WARS2: variants seen among roughly 807,000 people sequenced by gnomAD.
WARS2 encodes the protein tryptophanyl tRNA synthetase 2, mitochondrial, also known as tryptophan--tRNA ligase, mitochondrial.
Under a neutral mutation model 36.5 loss-of-function variants are expected in WARS2, and 28 were observed. That is an observed-to-expected ratio of 0.77 (90% CI 0.57 to 1.05). The LOEUF is 1.05. Among genes scored for constraint, WARS2 ranks in the 50% least tolerant of loss-of-function variants. The pLI is 0.00. For missense variants in WARS2, 435 were observed against 456.8 expected, an observed-to-expected ratio of 0.95 and a Z score of 0.44; for synonymous variants, 174 against 178.4, an observed-to-expected ratio of 0.98 and a Z score of 0.20.
At position 119,108,993 on chromosome 1, in the gene WARS2, G is replaced by A. The variant is rs999314285; in HGVS notation, c.90+31562C>T. Among the ~76,000 whole-genome samples, 4 of 151,874 alleles carry A rather than the reference G, an allele frequency of 2.6e-5. No homozygotes were observed. In the East Asian group the frequency reaches 7.7e-4, roughly 29 times the overall value. The stretch of plus-strand genomic sequence containing the variant: ...TTGAGCACCGTGTTATTATAAGTTT[G>A]TTGTTTAATCATCAAGTATTTGAGG... On this transcript the variant is annotated intron_variant, in intron 1 of 5. Transcript: ENST00000235521.
chr1:119,069,727 GGA>G (rs1236399741), intron 2 of WARS2, among the ~76,000 whole-genome samples: 4 of 152,198 alleles, frequency 2.6e-5, no homozygotes, highest in African/African-American at 9.6e-5. Context: ...CATGAGGGCA[GGA>G]GAGAGACGCT....
chr1:119,108,614 T>C (rs1654407836), intron 1 of WARS2, among the ~76,000 whole-genome samples: 1 of 151,878 alleles, frequency 6.6e-6, no homozygotes, highest in South Asian at 2.1e-4. Context: ...TTTATTACTA[T>C]TTTTTTGGGA....
At chr1:119,065,604 C>G (rs1270729231) in intron 2 of WARS2, among the ~76,000 whole-genome samples, 2 of 144,478 alleles carry the variant, frequency 1.4e-5, no homozygotes, top group Non-Finnish European at 3.0e-5. Flanking sequence ...CACTGCACTC[C>G]AGCCTGGGTG....
chr1:119,057,201 A>C (rs1288097743), intron 2 of WARS2, among the ~76,000 whole-genome samples: 2 of 151,950 alleles, frequency 1.3e-5, no homozygotes, highest in Non-Finnish European at 2.9e-5. Context: ...GGCTGGAGTC[A>C]GTGGCACGAT....
At chr1:119,112,964 C>T (rs192512905) in intron 1 of WARS2, among the ~76,000 whole-genome samples, 112 of 151,988 alleles carry the variant, frequency 7.4e-4, no homozygotes, top group Admixed American at 1.6e-3. Flanking sequence ...CATGACTGAC[C>T]GTAAGGAATA....
At chr1:119,110,298 A>C (rs1360494452) in intron 1 of WARS2, among the ~76,000 whole-genome samples, 3 of 151,990 alleles carry the variant, frequency 2.0e-5, no homozygotes, top group Non-Finnish European at 4.4e-5. Context: ...ACTTCTTTTA[A>C]CATTTCTTGC....
intron 1 of WARS2, among the ~76,000 whole-genome samples, chr1:119,136,022 T>C (rs1282370600): frequency 6.6e-6 from 1 of 152,168 alleles, no homozygotes; most frequent in Non-Finnish European, 1.5e-5. Context: ...TACACCTGCT[T>C]CGGCCTCCCA....
intron 1 of WARS2, among the ~76,000 whole-genome samples, chr1:119,138,961 C>G (rs930954040): frequency 6.6e-6 from 1 of 152,088 alleles, no homozygotes; most frequent in African/African-American, 2.4e-5. Context: ...TTAAACTTCC[C>G]TGGGCAGTCA....
At chr1:119,039,588 A>T (rs1299799605) in intron 4 of WARS2, among the ~76,000 whole-genome samples, 1 of 152,170 alleles carries the variant, frequency 6.6e-6, no homozygotes, top group African/African-American at 2.4e-5. Flanking sequence ...TGAGCATTGG[A>T]ATATTTTGTC....
At chr1:119,118,288 T>A (rs1178357359) in intron 1 of WARS2, among the ~76,000 whole-genome samples, 1 of 151,654 alleles carries the variant, frequency 6.6e-6, no homozygotes, top group Admixed American at 6.6e-5. Flanking sequence ...CAAAACACAC[T>A]GAAAAGTATT....
chr1:119,078,300 C>G (rs1387478508), intron 1 of WARS2, among the ~76,000 whole-genome samples: 2 of 152,042 alleles, frequency 1.3e-5, no homozygotes, highest in African/African-American at 4.8e-5. Flanking sequence ...CAAAAAAGAC[C>G]ATTATTATAC....
At chr1:119,053,146 ACT>A (rs760709033) in intron 2 of WARS2, among the ~76,000 whole-genome samples, 3 of 152,030 alleles carry the variant, frequency 2.0e-5, no homozygotes, top group Non-Finnish European at 4.4e-5. Context: ...TGGCCTGTGG[ACT>A]CTTTCTGTTC....
rs550158767 is a variant in WARS2, at chr1:119,071,818, G to A, written c.348+4532C>T. Among the ~76,000 whole-genome samples the A allele has an allele frequency of 3.3e-5, 5 of 152,168 alleles. No individual in the cohort carries two copies. In the East Asian group the frequency reaches 7.7e-4, roughly 23 times the overall value. ...ATCACTTAAAGATAGCTAAGTATGTGAGGTAATATATATGTTATATAGCTT... is the reference window on the plus strand; with the variant it reads ...ATCACTTAAAGATAGCTAAGTATGTAAGGTAATATATATGTTATATAGCTT... On this transcript the variant is annotated intron_variant, in intron 2 of 5. Coordinates refer to ENST00000235521, the MANE Select transcript of WARS2 (RefSeq NM_015836.4).
chr1:119,067,168 A>G (rs1293598972), intron 2 of WARS2, among the ~76,000 whole-genome samples: 1 of 152,220 alleles, frequency 6.6e-6, no homozygotes, highest in Non-Finnish European at 1.5e-5. Context: ...GCATGATGCC[A>G]TTCACAGTTT....
At chr1:119,125,924 A>G (rs1655622997) in intron 1 of WARS2, among the ~76,000 whole-genome samples, 1 of 152,170 alleles carries the variant, frequency 6.6e-6, no homozygotes, top group African/African-American at 2.4e-5. Context: ...TTGCCATCAC[A>G]CAGAATTTCT....
chr1:119,126,466 T>G (rs1655663132), intron 1 of WARS2: 1 of 424,488 alleles, frequency 2.4e-6, no homozygotes. Flanking sequence ...GGTAACACTC[T>G]GAGGTAGATA....
chr1:119,109,070 A>G (rs1037123781), intron 1 of WARS2, among the ~76,000 whole-genome samples: 1 of 151,962 alleles, frequency 6.6e-6, no homozygotes, highest in Non-Finnish European at 1.5e-5. Flanking sequence ...CATATGGTCT[A>G]AGGTCAGATG....
chr1:119,108,279 A>G (rs1654382529), intron 1 of WARS2, among the ~76,000 whole-genome samples: 1 of 152,062 alleles, frequency 6.6e-6, no homozygotes, highest in Non-Finnish European at 1.5e-5. Context: ...TTCCTAAAAC[A>G]TCTACTAGAG....
At chr1:119,130,658 C>T (rs1420008175) in intron 1 of WARS2, among the ~76,000 whole-genome samples, 1 of 152,178 alleles carries the variant, frequency 6.6e-6, no homozygotes, top group Non-Finnish European at 1.5e-5. Flanking sequence ...TTAAGTTCAA[C>T]AATCTCCTTG....
Sources: gnomAD v4.1 joint callset for allele counts (sites outside exome capture counted in the v4.1 genomes callset) on GRCh38, gnomAD v4.1.1 for gene constraint, MANE v1.5 for transcripts, NCBI Gene and HGNC (gene_info 2026-07-23, HGNC 2026-07-21) for gene names.